The following SLC24A2 variants were observed in gnomAD, a reference collection of about 807,000 sequenced individuals.
SLC24A2 encodes the protein sodium/potassium/calcium exchanger 2.
A neutral mutation model predicts 62.0 loss-of-function variants in SLC24A2; 36 were observed. The ratio of observed to expected loss-of-function variants is 0.58; its 90% CI spans 0.44 to 0.77. The LOEUF (loss-of-function observed/expected upper bound fraction) is 0.77. Among genes scored for constraint, SLC24A2 ranks in the 30% least tolerant of loss-of-function variants. The pLI is 0.00. For synonymous variants in SLC24A2, 358 were observed against 294.0 expected, an observed-to-expected ratio of 1.22 and a Z score of -2.23; for missense variants, 846 against 817.9, an observed-to-expected ratio of 1.03 and a Z score of -0.42.
At chr9:19,990,629 A>C in the SLC24A2 span, among the ~76,000 whole-genome samples, 4 of 147,214 alleles carry the variant, frequency 2.7e-5, no homozygotes, top group African/African-American at 1.0e-4. Context: ...AAAAAAAAAA[A>C]CAAAACAAAA....
In SLC24A2 at chr9:19,508,377, G is replaced by A. The variant is rs1341273985; in HGVS notation, c.*7776C>T. 2 of 152,152 alleles carry A rather than the reference G, an allele frequency of 1.3e-5. No individual in the cohort carries two copies. Among genetic ancestry groups the A allele is most frequent in the African/African-American group, 4.8e-5 (2 of 41,434 alleles). 9.4% of individuals were successfully genotyped at this position (152,152 alleles called of 1,614,324 possible). A position where few individuals can be genotyped will look rare whatever the true frequency, so the allele number is the denominator to read the frequency against. Reference sequence around the variant, plus strand: ...TCTTTAGGGCAATTTGGCCACTTAAGCATAAAATTGATGGGGTTGTCCAGT... The same window carrying A: ...TCTTTAGGGCAATTTGGCCACTTAAACATAAAATTGATGGGGTTGTCCAGT... On this transcript the variant is annotated 3_prime_UTR_variant, in exon 11 of 11. Transcript: ENST00000341998.
At chr9:20,069,412 A>G in the SLC24A2 span, among the ~76,000 whole-genome samples, 1 of 152,228 alleles carries the variant, frequency 6.6e-6, no homozygotes, top group Non-Finnish European at 1.5e-5. Context: ...CTATTTAAAA[A>G]ATATTTTTAT....
At chr9:20,272,452 G>C in the SLC24A2 span, among the ~76,000 whole-genome samples, 1 of 152,116 alleles carries the variant, frequency 6.6e-6, no homozygotes, top group Non-Finnish European at 1.5e-5. Context: ...AATGTAAGCT[G>C]AGTACTAGGT....
chr9:20,143,868 T>G, the SLC24A2 span, among the ~76,000 whole-genome samples: 1 of 152,254 alleles, frequency 6.6e-6, no homozygotes, highest in African/African-American at 2.4e-5. Flanking sequence ...ACTCTAATAT[T>G]TTGATGGTGC....
intron 4 of SLC24A2, among the ~76,000 whole-genome samples, chr9:19,603,816 T>A (rs1262307934): frequency 2.6e-5 from 4 of 152,210 alleles, no homozygotes; most frequent in Non-Finnish European, 5.9e-5. Context: ...ACTGTGATTT[T>A]GCGTTGGAAT....
intron 6 of SLC24A2, among the ~76,000 whole-genome samples, chr9:19,574,008 C>A (rs376956184): frequency 9.5e-4 from 145 of 152,294 alleles, no homozygotes; most frequent in African/African-American, 3.2e-3. Context: ...CTAGACTTTA[C>A]CCTGCTTTGA....
chr9:20,145,254 T>C, the SLC24A2 span, among the ~76,000 whole-genome samples: 1 of 152,106 alleles, frequency 6.6e-6, no homozygotes, highest in Non-Finnish European at 1.5e-5. Flanking sequence ...AAAGACTATT[T>C]AAAAGTGGGC....
chr9:20,222,242 A>T, the SLC24A2 span, among the ~76,000 whole-genome samples: 16 of 152,004 alleles, frequency 1.1e-4, no homozygotes, highest in Non-Finnish European at 2.1e-4. Context: ...AAAAGAATGT[A>T]GAAACTGTAT....
chr9:20,253,783 G>T, the SLC24A2 span, among the ~76,000 whole-genome samples: 1 of 152,148 alleles, frequency 6.6e-6, no homozygotes, highest in Non-Finnish European at 1.5e-5. Flanking sequence ...GGAGGAGAGA[G>T]TGACACAGTC....
chr9:20,275,930 T>G, the SLC24A2 span, among the ~76,000 whole-genome samples: 1 of 152,050 alleles, frequency 6.6e-6, no homozygotes, highest in Admixed American at 6.6e-5. Flanking sequence ...GAACAGCATG[T>G]GAAGAAAACC....
At chr9:20,037,227 C>T in the SLC24A2 span, among the ~76,000 whole-genome samples, 5 of 152,226 alleles carry the variant, frequency 3.3e-5, no homozygotes, top group Middle Eastern at 0.01. Flanking sequence ...AGATTACTTA[C>T]ACGCCCAACA....
chr9:19,781,750 A>C lies in SLC24A2; in HGVS notation c.930+4187T>G, dbSNP rs557060727. 3.3e-5 allele frequency among the ~76,000 whole-genome samples: 5 copies of C among 152,298 alleles called. No homozygotes were observed. The East Asian group carries it at 9.7e-4, about 29-fold the overall frequency. On this transcript the variant is annotated intron_variant, in intron 2 of 10. Transcript: ENST00000341998. ...AATCTATCAAGTAATACATCTTTTT[A>C]TTTAATATAAGGACCATCTTACCTA...
chr9:19,550,277 G>T lies in SLC24A2; in HGVS notation c.1348-9C>A. 1.2e-6 allele frequency: 2 copies of T among 1,613,732 alleles called. No individual in the cohort carries two copies. Among genetic ancestry groups the T allele is most frequent in the South Asian group, 1.1e-5 (1 of 91,066 alleles). On this transcript the variant is annotated splice_polypyrimidine_tract_variant and intron_variant, in intron 7 of 10. Transcript: ENST00000341998. ...TCCTCCTCATCAGCGGTCTGTGGTA[G>T]AAAAAGAGGTAAAATTAAACAAACA...
chr9:19,567,410 G>C (rs1291508148), intron 7 of SLC24A2, among the ~76,000 whole-genome samples: 1 of 151,446 alleles, frequency 6.6e-6, no homozygotes, highest in Non-Finnish European at 1.5e-5. Flanking sequence ...GCCGGGTGTG[G>C]TGGCGGGCGC....
rs545083150 is a variant in SLC24A2, at chr9:19,577,248, C to A, written c.1130-226G>T. ...TCTCTTCCCTCCCTTCCCAGTTGCTCACAAAATTAACAAAAGCACCAAGCA... is the reference window on the plus strand; with the variant it reads ...TCTCTTCCCTCCCTTCCCAGTTGCTAACAAAATTAACAAAAGCACCAAGCA... On this transcript the variant is annotated intron_variant, in intron 5 of 10. Coordinates refer to ENST00000341998, the MANE Select transcript of SLC24A2 (RefSeq NM_020344.4). Among the ~76,000 whole-genome samples the A allele has an allele frequency of 3.9e-5, 6 of 152,236 alleles. No individual in the cohort carries two copies. In the East Asian group the frequency reaches 9.7e-4, roughly 25 times the overall value.
the SLC24A2 span, among the ~76,000 whole-genome samples, chr9:19,885,131 A>G: frequency 6.6e-6 from 1 of 152,134 alleles, no homozygotes; most frequent in Admixed American, 6.5e-5. Context: ...GTCGCTGGGG[A>G]CATATCCTTA....
At chr9:20,083,062 A>C in the SLC24A2 span, among the ~76,000 whole-genome samples, 13 of 152,204 alleles carry the variant, frequency 8.5e-5, no homozygotes, top group Middle Eastern at 3.2e-3. Context: ...GTCATTAAGC[A>C]TATCTCCTTG....
At chr9:19,742,023 T>A (rs888055989) in intron 2 of SLC24A2, among the ~76,000 whole-genome samples, 1 of 152,192 alleles carries the variant, frequency 6.6e-6, no homozygotes, top group Non-Finnish European at 1.5e-5. Context: ...AAGCCACACA[T>A]CTCTCACAGG....
the SLC24A2 span, among the ~76,000 whole-genome samples, chr9:20,118,916 T>A: frequency 2.0e-4 from 30 of 152,254 alleles, no homozygotes; most frequent in African/African-American, 7.2e-4. Context: ...TGGTGAGATG[T>A]CACTCTCATG....
Sources: allele counts gnomAD v4.1 joint callset (sites outside exome capture counted in the v4.1 genomes callset), GRCh38; gene constraint gnomAD v4.1.1; transcripts MANE v1.5; gene names NCBI Gene and HGNC (gene_info 2026-07-23, HGNC 2026-07-21).